GSTP1: variants seen among roughly 807,000 people sequenced by gnomAD.
The protein encoded by GSTP1 is glutathione S-transferase P.
In GSTP1, 28 loss-of-function variants were observed where a neutral mutation model predicts 29.4. That is an observed-to-expected ratio of 0.95 (90% CI 0.71 to 1.30). The LOEUF is 1.30. Ranked by LOEUF, GSTP1 falls within the 50% of genes most tolerant of loss-of-function variation. The pLI, the probability that GSTP1 is intolerant of heterozygous loss-of-function variation, is 0.00. For missense variants in GSTP1, 267 were observed against 266.1 expected (o/e 1.00, Z -0.02); for synonymous variants, 122 against 117.0 (o/e 1.04, Z -0.28).
At chr11:67,583,968 G>A in intron 1 of GSTP1, 124 bp downstream of exon 1, 2 of 674,992 alleles carry the variant, frequency 3.0e-6, no homozygotes, top group Non-Finnish European at 5.4e-6. Flanking sequence ...CGGGACGGGG[G>A]CCTAGGGGAC....
intron 3 of GSTP1, 33 bp downstream of exon 3, chr11:67,584,603 T>C: frequency 6.4e-7 from 1 of 1,569,150 alleles, no homozygotes; most frequent in East Asian, 2.2e-5. Context: ...GGGGAGGGGG[T>C]GCTGGGCCTT....
rs984398207 is a variant in GSTP1 at position 67,583,862 on chromosome 11, G to A, written c.1+18G>A. On this transcript the variant is annotated intron_variant, in intron 1 of 6. Coordinates refer to ENST00000398606, the MANE Select transcript of GSTP1 (RefSeq NM_000852.4). ...CGCCACCAGTGAGTACGCGCGGCCC[G>A]CGTCCCCGGGGATGGGGCTCAGAGC... 5.4e-6 allele frequency: 4 copies of A among 743,112 alleles called. No individual in the cohort carries two copies. The African/African-American group carries it at 6.8e-5, about 13-fold the overall frequency. 46.0% of individuals were successfully genotyped at this position (743,112 alleles called of 1,614,324 possible). A position where few individuals can be genotyped will look rare whatever the true frequency, so the allele number is the denominator to read the frequency against.
At chr11:67,584,243 G>C in intron 2 of GSTP1, 74 bp downstream of exon 2, 4 of 1,221,234 alleles carry the variant, frequency 3.3e-6, no homozygotes, top group Non-Finnish European at 4.8e-6. Flanking sequence ...CCCACCCGGA[G>C]AGATCCGAAC....
intron 2 of GSTP1, 30 bp downstream of exon 2, chr11:67,584,199 G>A: frequency 6.3e-7 from 1 of 1,579,628 alleles, no homozygotes; most frequent in South Asian, 1.1e-5. Flanking sequence ...AGGGAAGGGA[G>A]GCAGGGGCTG....
chr11:67,585,059 C>T, intron 4 of GSTP1, 79 bp from the exon 5 acceptor site: 1 of 878,308 alleles, frequency 1.1e-6, no homozygotes, highest in Non-Finnish European at 1.9e-6. Flanking sequence ...CAGACAGCCC[C>T]CTGGTTGGCC....
intron 5 of GSTP1, 127 bp downstream of exon 5, chr11:67,585,368 G>A: frequency 1.6e-6 from 1 of 642,572 alleles, no homozygotes; most frequent in South Asian, 1.9e-5. Flanking sequence ...CAGGGGCTGG[G>A]TCAGCTCTGG....
rs369775780 is a variant in GSTP1 at position 67,586,090 on chromosome 11, G to C, written c.337-14G>C. 18 of 1,595,998 alleles carry C rather than the reference G, an allele frequency of 1.1e-5. No homozygotes were observed. In the African/African-American group the frequency reaches 2.0e-4, roughly 18 times the overall value. On this transcript the variant is annotated splice_polypyrimidine_tract_variant and intron_variant, in intron 5 of 6. Coordinates refer to ENST00000398606, the MANE Select transcript of GSTP1 (RefSeq NM_000852.4). The stretch of plus-strand genomic sequence containing the variant: ...AGGGATGAGAGTAGGATGATACATG[G>C]TGGTGTCTGGCAGGAGGCGGGCAAG...
intron 5 of GSTP1, among the ~76,000 whole-genome samples, 171 bp from the exon 6 acceptor site, chr11:67,585,933 A>AATGGAATAG (rs1401629219): frequency 1.3e-5 from 2 of 152,184 alleles, no homozygotes; most frequent in East Asian, 3.9e-4. Flanking sequence ...GGACAGGCAG[A>AATGGAATAG]ATGGAATAGA....
intron 5 of GSTP1, 34 bp from the exon 6 acceptor site, chr11:67,586,070 T>C (rs1426619161): frequency 1.3e-6 from 2 of 1,497,976 alleles, no homozygotes; most frequent in Non-Finnish European, 1.9e-6. Flanking sequence ...CTGGGAGGGA[T>C]GAGAGTAGGA....
chr11:67,584,038 A>G, intron 1 of GSTP1, 96 bp from the exon 2 acceptor site: 3 of 917,808 alleles, frequency 3.3e-6, no homozygotes, highest in African/African-American at 1.7e-5. Context: ...TCGGGGAGGG[A>G]TGGGACCCCG....
At chr11:67,585,470 G>A (rs1867452557) in intron 5 of GSTP1, among the ~76,000 whole-genome samples, 1 of 152,188 alleles carries the variant, frequency 6.6e-6, no homozygotes, top group South Asian at 2.1e-4. Flanking sequence ...GGGGGCGAGT[G>A]CAAGGACAGA....
Position 67,586,492 on chromosome 11 carries a change from G to C in GSTP1, c.548G>C (p.Arg183Pro). The change falls in exon 7 of 7, where the codon CGC (arginine) becomes CCC (proline). Residue 183 changes from arginine (R) to proline (P), a missense_variant. Arg to Pro is a moderately radical substitution (Grantham distance 103). Transcript: ENST00000398606. ...AFPLLSAYVG[R>P]LSARPKLKAF... ...CCCCTGCTCTCAGCATATGTGGGGCGCCTCAGTGCCCGGCCCAAGCTCAAG... is the reference window on the plus strand; with the variant it reads ...CCCCTGCTCTCAGCATATGTGGGGCCCCTCAGTGCCCGGCCCAAGCTCAAG... The C allele has an allele frequency of 6.2e-7, 1 of 1,614,104 alleles. No homozygotes were observed.
In GSTP1 at chr11:67,584,074, G is replaced by C. The variant is rs1867423942; in HGVS notation, c.2-60G>C. ...GGGGCGGGGAGGGGGGGCAGACTGC[G>C]CTCACCGCGCCTTGGCATCCTCCCC... On this transcript the variant is annotated intron_variant, in intron 1 of 6. Transcript: ENST00000398606. 2.8e-6 allele frequency: 4 copies of C among 1,430,696 alleles called. No homozygotes were observed. The South Asian group carries it at 4.7e-5, about 17-fold the overall frequency. 88.6% of individuals were successfully genotyped at this position (1,430,696 alleles called of 1,614,324 possible).
At chr11:67,583,895 A>T (rs1285823796) in intron 1 of GSTP1, 51 bp downstream of exon 1, 1 of 715,966 alleles carries the variant, frequency 1.4e-6, no homozygotes, top group South Asian at 1.5e-5. Flanking sequence ...AGCTCCCAGC[A>T]TGGGGCCAAC....
Position 67,584,153 on chromosome 11 carries a change from C to G in GSTP1, c.21C>G (p.Val7=), listed in dbSNP as rs8191444. The change falls in exon 2 of 7, where the codon GTC becomes GTG. Residue 7 remains valine (V), a synonymous_variant. Transcript: ENST00000398606. ...CTGCAGTGCCGCCCTACACCGTGGT[C>G]TATTTCCCAGTTCGAGGTAGGAGCA... MPPYTV[V]YFPVRGRCAA... is the part of the protein sequence containing the mutation. 1.2e-6 allele frequency: 2 copies of G among 1,613,268 alleles called. No individual in the cohort carries two copies. Among genetic ancestry groups the G allele is most frequent in the Admixed American group, 3.3e-5 (2 of 60,008 alleles).
intron 1 of GSTP1, 118 bp from the exon 2 acceptor site, chr11:67,584,016 G>A (rs943439153): frequency 2.9e-5 from 22 of 749,692 alleles, no homozygotes; most frequent in Admixed American, 9.2e-5. Flanking sequence ...CTTTCAGGGG[G>A]CCCGGAGCGC....
chr11:67,586,505 G>A lies in GSTP1; in HGVS notation c.561G>A (p.Arg187=). 2 of 1,614,216 alleles carry A rather than the reference G, an allele frequency of 1.2e-6. No homozygotes were observed. Among genetic ancestry groups the A allele is most frequent in the Non-Finnish European group, 1.7e-6 (2 of 1,180,016 alleles). The change falls in exon 7 of 7, where the codon CGG becomes CGA. Residue 187 remains arginine, a synonymous_variant. Coordinates refer to ENST00000398606, the MANE Select transcript of GSTP1 (RefSeq NM_000852.4). ...CATATGTGGGGCGCCTCAGTGCCCGGCCCAAGCTCAAGGCCTTCCTGGCCT... is the reference window on the plus strand; with the variant it reads ...CATATGTGGGGCGCCTCAGTGCCCGACCCAAGCTCAAGGCCTTCCTGGCCT... ...LSAYVGRLSA[R]PKLKAFLASP...
At position 67,586,388 on chromosome 11, in the gene GSTP1, G is replaced by T; in HGVS notation, c.445-1G>T. ...GAGTCCCTGGCCCCCCTGCCCTGCA[G>T]ATCTCCTTCGCTGACTACAACCTGC... On this transcript the variant is annotated splice_acceptor_variant, in intron 6 of 6. Transcript: ENST00000398606. LOFTEE classifies it high-confidence loss of function. 6.2e-7 allele frequency: 1 copy of T among 1,611,844 alleles called. No individual in the cohort carries two copies. The highest frequency in any genetic ancestry group is 2.2e-5 in the East Asian group (1 of 44,828).
chr11:67,583,861 C>A lies in GSTP1; in HGVS notation c.1+17C>A. On this transcript the variant is annotated intron_variant, in intron 1 of 6. Transcript: ENST00000398606. ...TCGCCACCAGTGAGTACGCGCGGCC[C>A]GCGTCCCCGGGGATGGGGCTCAGAG... 2.7e-6 allele frequency: 2 copies of A among 744,242 alleles called. No homozygotes were observed. The highest frequency in any genetic ancestry group is 3.2e-4 in the Middle Eastern group (1 of 3,078). 46.1% of individuals were successfully genotyped at this position (744,242 alleles called of 1,614,324 possible). A position where few individuals can be genotyped will look rare whatever the true frequency, so the allele number is the denominator to read the frequency against.
Sources: gnomAD v4.1 joint callset for allele counts (sites outside exome capture counted in the v4.1 genomes callset) on GRCh38, gnomAD v4.1.1 for gene constraint, MANE v1.5 for transcripts, NCBI Gene and HGNC (gene_info 2026-07-23, HGNC 2026-07-21) for gene names.